The following GLIS3 variants were observed in gnomAD, a reference collection of about 807,000 sequenced individuals.
GLIS3 encodes the protein zinc finger protein GLIS3.
In GLIS3, 53 loss-of-function variants were observed where a neutral mutation model predicts 78.6. That is an observed-to-expected ratio of 0.67 (90% confidence interval 0.54 to 0.85). The LOEUF (loss-of-function observed/expected upper bound fraction) is 0.85. Ranked by LOEUF, GLIS3 falls within the 40% of genes least tolerant of loss-of-function variation. The pLI is 0.00. For synonymous variants in GLIS3, 684 were observed against 509.9 expected, an observed-to-expected ratio of 1.34 and a Z score of -4.60; for missense variants, 1,703 against 1,231.1, an observed-to-expected ratio of 1.38 and a Z score of -5.74.
intron 2 of GLIS3, among the ~76,000 whole-genome samples, chr9:4,341,253 C>G (rs1054509641): frequency 1.3e-5 from 2 of 152,220 alleles, no homozygotes; most frequent in East Asian, 3.8e-4. Flanking sequence ...TCCAACCTAT[C>G]TGGCATCACT....
In GLIS3 at chr9:4,015,947, G is replaced by C. The variant is rs672927; in HGVS notation, c.1711-78758C>G. Among the ~76,000 whole-genome samples the C allele has an allele frequency of 7.1e-3, 1,069 of 150,700 alleles. 20 individuals are homozygous for C. Among genetic ancestry groups the C allele is most frequent in the African/African-American group, 0.025 (1,034 of 40,804 alleles). On this transcript the variant is annotated intron_variant, in intron 4 of 10. Transcript: ENST00000381971. The stretch of plus-strand genomic sequence containing the variant: ...CCACAACAACCGTCATAACCAACCT[G>C]GCCGTCATAAATAGGAATTTGGTAA...
chr9:4,421,240 ATCCCACAGGACTCTCTCG>A, the GLIS3 span, among the ~76,000 whole-genome samples: 20 of 152,320 alleles, frequency 1.3e-4, 1 homozygote, highest in South Asian at 3.5e-3. Flanking sequence ...TGAGCCTGCT[ATCCCACAGGACTCTCTCG>A]TCCCACAGGA....
intron 2 of GLIS3, among the ~76,000 whole-genome samples, chr9:4,161,189 C>T (rs766738057): frequency 7.9e-5 from 12 of 152,000 alleles, no homozygotes; most frequent in Admixed American, 1.3e-4. Context: ...AGGAAGATTG[C>T]TTAAGCCCAG....
chr9:4,006,328 A>C (rs1299631481), intron 4 of GLIS3, among the ~76,000 whole-genome samples: 1 of 151,590 alleles, frequency 6.6e-6, no homozygotes, highest in Non-Finnish European at 1.5e-5. Context: ...AAAAAAAAAA[A>C]ACTAGAGTAT....
chr9:4,018,734 T>G (rs1335561472), intron 4 of GLIS3, among the ~76,000 whole-genome samples: 1 of 152,154 alleles, frequency 6.6e-6, no homozygotes, highest in Non-Finnish European at 1.5e-5. Context: ...AAGGCAGGTA[T>G]ACACACTTGG....
chr9:4,057,105 G>T (rs778845478), intron 4 of GLIS3, among the ~76,000 whole-genome samples: 1 of 151,880 alleles, frequency 6.6e-6, no homozygotes, highest in South Asian at 2.1e-4. Flanking sequence ...AGAACACCTG[G>T]ATGTGCAGCT....
chr9:4,365,469 T>A, the GLIS3 span, among the ~76,000 whole-genome samples: 1 of 151,642 alleles, frequency 6.6e-6, no homozygotes, highest in Non-Finnish European at 1.5e-5. Flanking sequence ...GGCAGGAGAA[T>A]CGCTTGAACC....
At chr9:4,208,571 GT>G (rs751449271) in intron 2 of GLIS3, among the ~76,000 whole-genome samples, 1 of 152,216 alleles carries the variant, frequency 6.6e-6, no homozygotes, top group Non-Finnish European at 1.5e-5. Context: ...CTGAAGGCCC[GT>G]TTGGGAGAGG....
At chr9:4,405,542 T>C in the GLIS3 span, among the ~76,000 whole-genome samples, 14 of 152,038 alleles carry the variant, frequency 9.2e-5, no homozygotes, top group African/African-American at 3.4e-4. Flanking sequence ...ATCCAAAACC[T>C]GAACAGACCA....
the GLIS3 span, among the ~76,000 whole-genome samples, chr9:4,452,371 G>T: frequency 6.6e-6 from 1 of 152,076 alleles, no homozygotes; most frequent in African/African-American, 2.4e-5. Flanking sequence ...TAGGAAGACA[G>T]GAAGTCAAAA....
intron 9 of GLIS3, among the ~76,000 whole-genome samples, chr9:3,829,929 G>A (rs1230241278): frequency 7.2e-5 from 11 of 152,110 alleles, no homozygotes; most frequent in Admixed American, 6.5e-4. Context: ...AAAAAGGCCC[G>A]CTTAAAAATG....
chr9:4,123,090 T>C (rs1265137468), intron 3 of GLIS3, among the ~76,000 whole-genome samples: 2 of 151,960 alleles, frequency 1.3e-5, no homozygotes, highest in Admixed American at 6.6e-5. Context: ...CCAAAAAACA[T>C]ACCCAAAGGA....
the GLIS3 span, among the ~76,000 whole-genome samples, chr9:4,382,457 A>G: frequency 6.6e-6 from 1 of 152,288 alleles, no homozygotes; most frequent in East Asian, 1.9e-4. Flanking sequence ...CAAATCTACA[A>G]GAATCTCCTC....
At chr9:4,435,234 C>T in the GLIS3 span, among the ~76,000 whole-genome samples, 4 of 152,152 alleles carry the variant, frequency 2.6e-5, no homozygotes, top group Admixed American at 6.5e-5. Flanking sequence ...TTCTCCTTTT[C>T]GCACTCCCCA....
chr9:4,227,306 CAAAA>C (rs35096957), intron 2 of GLIS3, among the ~76,000 whole-genome samples: 11 of 136,746 alleles, frequency 8.0e-5, no homozygotes, highest in Non-Finnish European at 7.9e-5. Context: ...GTTATGTTAC[CAAAA>C]AAAAAAAAAA....
the GLIS3 span, among the ~76,000 whole-genome samples, chr9:4,408,227 T>G: frequency 1.3e-5 from 2 of 151,732 alleles, no homozygotes; most frequent in Non-Finnish European, 2.9e-5. Context: ...AAAACAAAAA[T>G]AGAGCTACCA....
chr9:4,283,126 T>C (rs914518229), intron 2 of GLIS3, among the ~76,000 whole-genome samples: 1 of 151,270 alleles, frequency 6.6e-6, no homozygotes, highest in Admixed American at 6.6e-5. Context: ...CACACAGGAA[T>C]GCACTTTGCA....
intron 2 of GLIS3, among the ~76,000 whole-genome samples, chr9:4,180,642 C>G (rs1817233172): frequency 6.6e-6 from 1 of 152,118 alleles, no homozygotes; most frequent in African/African-American, 2.4e-5. Context: ...GAGAGAACAG[C>G]AGATCTTAAA....
At chr9:4,166,811 G>C (rs1214884440) in intron 2 of GLIS3, among the ~76,000 whole-genome samples, 1 of 152,174 alleles carries the variant, frequency 6.6e-6, no homozygotes. Flanking sequence ...ATCACCTAAG[G>C]GTAATTAAGA....
Sources: gnomAD v4.1 joint callset for allele counts (sites outside exome capture counted in the v4.1 genomes callset) on GRCh38, gnomAD v4.1.1 for gene constraint, MANE v1.5 for transcripts, NCBI Gene and HGNC (gene_info 2026-07-23, HGNC 2026-07-21) for gene names.